Variants in EPHA3 observed in about 807,000 individuals in gnomAD.
EPHA3 encodes the protein ephrin type-A receptor 3.
In EPHA3, 42 loss-of-function variants were observed where a neutral mutation model predicts 107.1. The ratio of observed to expected loss-of-function variants is 0.39; its 90% CI spans 0.31 to 0.51. EPHA3 has a LOEUF of 0.51. Ranked by LOEUF, EPHA3 falls within the 20% of genes least tolerant of loss-of-function variation. The pLI is 0.78. For synonymous variants in EPHA3, 461 were observed against 424.8 expected (o/e 1.09, Z -1.05); for missense variants, 1,183 against 1,211.2 (o/e 0.98, Z 0.35).
At chr3:89,388,652 T>C (rs530130009) in intron 5 of EPHA3, among the ~76,000 whole-genome samples, 1 of 152,166 alleles carries the variant, frequency 6.6e-6, no homozygotes, top group Non-Finnish European at 1.5e-5. Context: ...AAAGCTGGTA[T>C]GTATGTTGCA....
intron 3 of EPHA3, among the ~76,000 whole-genome samples, chr3:89,241,013 T>TA (rs1704881132): frequency 6.6e-6 from 1 of 152,050 alleles, no homozygotes; most frequent in African/African-American, 2.4e-5. Context: ...AATTTATCTT[T>TA]TAAAAAAATT....
chr3:89,363,060 T>C (rs183485921), intron 5 of EPHA3, among the ~76,000 whole-genome samples: 15 of 151,018 alleles, frequency 9.9e-5, no homozygotes, highest in Non-Finnish European at 1.8e-4. Context: ...ATCTATCTAC[T>C]CTCTTTTTAA....
At chr3:89,190,339 G>C (rs1705679672) in intron 2 of EPHA3, among the ~76,000 whole-genome samples, 2 of 152,194 alleles carry the variant, frequency 1.3e-5, no homozygotes, top group South Asian at 4.1e-4. Flanking sequence ...TGCCAGGTGA[G>C]TCTATGAAAA....
intron 2 of EPHA3, among the ~76,000 whole-genome samples, chr3:89,188,058 TATAAA>T (rs1705615950): frequency 6.6e-6 from 1 of 152,298 alleles, no homozygotes; most frequent in East Asian, 1.9e-4. Flanking sequence ...ATTCCAATAA[TATAAA>T]AGAAAACTAG....
chr3:89,222,720 T>TGCA (rs1704410671), intron 3 of EPHA3, among the ~76,000 whole-genome samples: 1 of 152,084 alleles, frequency 6.6e-6, no homozygotes, highest in Admixed American at 6.6e-5. Context: ...ATTGGACTGC[T>TGCA]GCACACATTC....
chr3:89,367,943 C>T (rs116186092), intron 5 of EPHA3, among the ~76,000 whole-genome samples: 4,008 of 150,754 alleles, frequency 0.027, 197 homozygotes, highest in African/African-American at 0.091. Context: ...TAGAATGCTA[C>T]TTCATATGCA....
chr3:89,478,177 A>G (rs948668964), intron 16 of EPHA3, among the ~76,000 whole-genome samples: 11 of 152,124 alleles, frequency 7.2e-5, no homozygotes, highest in African/African-American at 2.7e-4. Flanking sequence ...TGTTTTTATA[A>G]TCTTTATTTT....
chr3:89,316,909 A>G (rs1706921508), intron 3 of EPHA3, among the ~76,000 whole-genome samples: 1 of 151,524 alleles, frequency 6.6e-6, no homozygotes, highest in Non-Finnish European at 1.5e-5. Context: ...TTTGAGGGAG[A>G]TATTTTTGTA....
chr3:89,252,781 A>T (rs1453736816), intron 3 of EPHA3, among the ~76,000 whole-genome samples: 2 of 151,742 alleles, frequency 1.3e-5, no homozygotes, highest in Admixed American at 1.3e-4. Flanking sequence ...AGAGATGTCA[A>T]CATCAGATAC....
chr3:89,380,797 T>G (rs1215644884), intron 5 of EPHA3, among the ~76,000 whole-genome samples: 2 of 151,586 alleles, frequency 1.3e-5, no homozygotes, highest in African/African-American at 4.8e-5. Flanking sequence ...TTAATGAAGT[T>G]TTGCTCTGTT....
intron 1 of EPHA3, among the ~76,000 whole-genome samples, chr3:89,116,759 CAA>C (rs1446881277): frequency 2.0e-5 from 3 of 148,474 alleles, no homozygotes; most frequent in African/African-American, 7.5e-5. Flanking sequence ...GGTGGTTAAC[CAA>C]AGAGTTAGCC....
intron 2 of EPHA3, among the ~76,000 whole-genome samples, chr3:89,134,655 G>T (rs1170602798): frequency 2.6e-5 from 4 of 151,992 alleles, no homozygotes; most frequent in African/African-American, 4.8e-5. Flanking sequence ...CTTTGCTATT[G>T]TGAATAGTGC....
chr3:89,417,293 C>A (rs142915525), intron 10 of EPHA3, among the ~76,000 whole-genome samples: 1 of 151,524 alleles, frequency 6.6e-6, no homozygotes, highest in East Asian at 2.0e-4. Context: ...CGAAGCAATT[C>A]GGCTGCAGGA....
chr3:89,179,221 T>G, intron 2 of EPHA3, among the ~76,000 whole-genome samples: 1 of 152,220 alleles, frequency 6.6e-6, no homozygotes, highest in East Asian at 1.9e-4. Flanking sequence ...TTTGGAAGAC[T>G]AATTAATATG....
chr3:89,419,485 A>G (rs537116369), intron 11 of EPHA3, 95 bp downstream of exon 11: 38 of 1,103,634 alleles, frequency 3.4e-5, no homozygotes, highest in Non-Finnish European at 4.6e-5. Flanking sequence ...GCTTTTTTTC[A>G]TAAGTATCTC....
At chr3:89,260,741 A>C (rs1324969122) in intron 3 of EPHA3, among the ~76,000 whole-genome samples, 1 of 152,156 alleles carries the variant, frequency 6.6e-6, no homozygotes, top group South Asian at 2.1e-4. Flanking sequence ...AATATTCTTC[A>C]GCTTGCTCTA....
intron 3 of EPHA3, among the ~76,000 whole-genome samples, chr3:89,277,157 A>G (rs1705826841): frequency 1.3e-5 from 2 of 152,174 alleles, no homozygotes; most frequent in South Asian, 4.1e-4. Context: ...GAAGGCATAC[A>G]ATTTCTCTGA....
chr3:89,366,270 A>G (rs1456886422), intron 5 of EPHA3, among the ~76,000 whole-genome samples: 3 of 150,652 alleles, frequency 2.0e-5, no homozygotes. Context: ...CAACAGGCAG[A>G]GGGGAATAGA....
rs1230248101 is a variant in EPHA3, at chr3:89,351,315, C to T, written c.1306+9225C>T. Among the ~76,000 whole-genome samples, 7 of 151,506 alleles carry T rather than the reference C, an allele frequency of 4.6e-5. No homozygotes were observed. In the East Asian group the frequency reaches 5.8e-4, roughly 13 times the overall value. Reference sequence around the variant, plus strand: ...CTGAGCCAGGTGTGGGATATAGTCTCGTGGTGCGCTGTTTTTTAAGCCGGT... The same window carrying T: ...CTGAGCCAGGTGTGGGATATAGTCTTGTGGTGCGCTGTTTTTTAAGCCGGT... On this transcript the variant is annotated intron_variant, in intron 5 of 16. Coordinates refer to ENST00000336596, the MANE Select transcript of EPHA3 (RefSeq NM_005233.6).
Sources: gnomAD v4.1 joint callset for allele counts (sites outside exome capture counted in the v4.1 genomes callset) on GRCh38, gnomAD v4.1.1 for gene constraint, MANE v1.5 for transcripts, NCBI Gene and HGNC (gene_info 2026-07-23, HGNC 2026-07-21) for gene names.